The following ROBO1 variants were observed in gnomAD, a reference collection of about 807,000 sequenced individuals.
ROBO1 encodes the protein roundabout guidance receptor 1.
In ROBO1, 149 loss-of-function variants were observed where a neutral mutation model predicts 195.9. The observed-to-expected ratio is 0.76, with a 90% CI of 0.67 to 0.87. The LOEUF is 0.87. Among genes scored for constraint, ROBO1 ranks in the 40% least tolerant of loss-of-function variants. ROBO1 has a pLI of 0.00. For synonymous variants in ROBO1, 816 were observed against 733.2 expected (o/e 1.11, Z -1.82); for missense variants, 1,933 against 2,068.3 (o/e 0.93, Z 1.27).
intron 2 of ROBO1, among the ~76,000 whole-genome samples, chr3:79,387,649 C>T (rs2106677080): frequency 6.6e-6 from 1 of 151,722 alleles, no homozygotes; most frequent in Non-Finnish European, 1.5e-5. Context: ...GATACATTTA[C>T]ATATTTTGTA....
At chr3:79,488,834 T>C (rs1031149437) in intron 2 of ROBO1, among the ~76,000 whole-genome samples, 5 of 152,158 alleles carry the variant, frequency 3.3e-5, no homozygotes, top group African/African-American at 1.2e-4. Flanking sequence ...TGTCTACATG[T>C]ATGTGTAAAG....
At chr3:79,017,961 A>C (rs1437614495) in intron 3 of ROBO1, among the ~76,000 whole-genome samples, 1 of 152,206 alleles carries the variant, frequency 6.6e-6, no homozygotes, top group Non-Finnish European at 1.5e-5. Flanking sequence ...AGAGAGGACT[A>C]GGCTCAGGAA....
intron 1 of ROBO1, among the ~76,000 whole-genome samples, chr3:79,734,444 A>G (rs1396221559): frequency 6.6e-6 from 1 of 152,196 alleles, no homozygotes; most frequent in Non-Finnish European, 1.5e-5. Context: ...TTTTTTTCTG[A>G]CTATAATTTC....
chr3:78,688,734 C>A lies in ROBO1; in HGVS notation c.1084G>T (p.Val362Phe). 7 of 1,609,518 alleles carry A rather than the reference C, an allele frequency of 4.3e-6. No individual in the cohort carries two copies. The highest frequency in any genetic ancestry group is 5.9e-6 in the Non-Finnish European group (7 of 1,177,824). ...AAAGTTACAGTCCGTCCCAAAGCAA[C>A]AACCTGGTCACGGGGTTTCACAACA... ...HFVVKPRDQV[V>F]ALGRTVTFQC... is the part of the protein sequence containing the mutation. The change falls in exon 9 of 31, where the codon GTT (valine) becomes TTT (phenylalanine). Residue 362 changes from valine (V) to phenylalanine (F), a missense_variant. By Grantham distance (50) the Val-to-Phe change is conservative. Around this residue, in one of 3 missense-constraint regions of ROBO1, gnomAD observed 1,737 missense variants for 1,882.5 expected, o/e 0.92. Transcript: ENST00000464233.
intron 2 of ROBO1, among the ~76,000 whole-genome samples, chr3:79,313,472 T>G (rs543294680): frequency 5.3e-5 from 8 of 152,196 alleles, no homozygotes; most frequent in Non-Finnish European, 1.0e-4. Context: ...ATTGTATTAT[T>G]TCCTTCAATG....
At chr3:78,732,421 T>C (rs2082305588) in intron 5 of ROBO1, among the ~76,000 whole-genome samples, 1 of 152,152 alleles carries the variant, frequency 6.6e-6, no homozygotes, top group Admixed American at 6.5e-5. Context: ...AAAAACAATG[T>C]GTATGTTTAC....
chr3:78,971,910 C>T (rs969023370), intron 3 of ROBO1, among the ~76,000 whole-genome samples: 5 of 152,030 alleles, frequency 3.3e-5, no homozygotes, highest in Admixed American at 2.6e-4. Context: ...GGATTACAGG[C>T]GCCCGCCACC....
At chr3:78,759,879 G>T in intron 4 of ROBO1, among the ~76,000 whole-genome samples, 1 of 152,118 alleles carries the variant, frequency 6.6e-6, no homozygotes, top group East Asian at 1.9e-4. Context: ...TATCAAAGGG[G>T]AATTCCACAA....
intron 1 of ROBO1, among the ~76,000 whole-genome samples, chr3:79,643,556 A>G (rs553909163): frequency 1.3e-5 from 2 of 152,290 alleles, no homozygotes; most frequent in East Asian, 3.9e-4. Context: ...TGTGGGAGAA[A>G]TGGAGTTAAA....
At chr3:78,891,729 A>G (rs2036908233) in intron 4 of ROBO1, among the ~76,000 whole-genome samples, 1 of 152,254 alleles carries the variant, frequency 6.6e-6, no homozygotes, top group East Asian at 1.9e-4. Context: ...ATTGTGATAT[A>G]TTCATACACA....
At chr3:79,170,705 A>G (rs2081150352) in intron 2 of ROBO1, among the ~76,000 whole-genome samples, 1 of 152,056 alleles carries the variant, frequency 6.6e-6, no homozygotes, top group Non-Finnish European at 1.5e-5. Context: ...GAATTAGACA[A>G]GTTATTTTTT....
At chr3:78,894,909 A>C (rs1414137031) in intron 4 of ROBO1, among the ~76,000 whole-genome samples, 1 of 152,250 alleles carries the variant, frequency 6.6e-6, no homozygotes, top group Non-Finnish European at 1.5e-5. Flanking sequence ...AGGCTGGAGC[A>C]CACGGAACAA....
At chr3:79,757,510 C>CATATATATATATATATATATATATAT (rs145729181) in intron 1 of ROBO1, among the ~76,000 whole-genome samples, 1 of 70,510 alleles carries the variant, frequency 1.4e-5, no homozygotes, top group African/African-American at 5.5e-5. Context: ...TCTCTCTCTC[C>CATATATATATATATATATATATATAT]ATATATATAT....
intron 4 of ROBO1, among the ~76,000 whole-genome samples, chr3:78,878,608 A>C (rs1051734839): frequency 6.7e-6 from 1 of 149,498 alleles, no homozygotes; most frequent in Admixed American, 6.6e-5. Flanking sequence ...AAAAAAAAAA[A>C]CTGCATAATG....
chr3:78,597,909 A>G lies in ROBO1; in HGVS notation c.*1004T>C, dbSNP rs993503056. On this transcript the variant is annotated 3_prime_UTR_variant, in exon 31 of 31. Coordinates refer to ENST00000464233, the MANE Select transcript of ROBO1 (RefSeq NM_002941.4). ...TAAGACAAAAAAGGTTAATAGTTAC[A>G]ATGGTTTACAAATAAAGTTTAGTGA... 9.9e-5 allele frequency: 15 copies of G among 151,806 alleles called. No homozygotes were observed. Among genetic ancestry groups the G allele is most frequent in the African/African-American group, 3.6e-4 (15 of 41,188 alleles). 9.4% of individuals were successfully genotyped at this position (151,806 alleles called of 1,614,324 possible).
At position 79,633,780 on chromosome 3, in the gene ROBO1, AATT is replaced by A. The variant is rs527495986; in HGVS notation, c.-50-43822_-50-43820del. Among the ~76,000 whole-genome samples the A allele has an allele frequency of 1.0e-3, 157 of 152,198 alleles. 1 individual carries two copies. The highest frequency in any genetic ancestry group is 3.7e-3 in the African/African-American group (154 of 41,526). On this transcript the variant is annotated intron_variant, in intron 1 of 30. Coordinates refer to ENST00000464233, the MANE Select transcript of ROBO1 (RefSeq NM_002941.4). ...TTGATACCCCATAGTCAATTTTCAA[AATT>A]ATTATTAAAAGATCTGTAATTGAAG...
At chr3:78,681,122 G>C (rs1269013261) in intron 10 of ROBO1, among the ~76,000 whole-genome samples, 1 of 149,262 alleles carries the variant, frequency 6.7e-6, no homozygotes, top group Non-Finnish European at 1.5e-5. Context: ...TCACAGGTGG[G>C]AATTGAACAA....
intron 4 of ROBO1, among the ~76,000 whole-genome samples, chr3:78,914,159 C>G (rs2038416613): frequency 6.6e-6 from 1 of 152,074 alleles, no homozygotes; most frequent in African/African-American, 2.4e-5. Context: ...AAATCACTGA[C>G]TATATAATAT....
At chr3:78,755,178 T>C (rs2082897013) in intron 4 of ROBO1, among the ~76,000 whole-genome samples, 1 of 152,158 alleles carries the variant, frequency 6.6e-6, no homozygotes, top group Non-Finnish European at 1.5e-5. Context: ...GAAGTAATAA[T>C]GGACGTGGAG....
Sources: allele counts gnomAD v4.1 joint callset (sites outside exome capture counted in the v4.1 genomes callset), GRCh38; gene constraint gnomAD v4.1.1; regional missense constraint gnomAD v4.1.1; transcripts MANE v1.5; gene names NCBI Gene and HGNC (gene_info 2026-07-23, HGNC 2026-07-21).